The following DIP2B variants were observed in gnomAD, a reference collection of about 807,000 sequenced individuals.
The protein encoded by DIP2B is disco-interacting protein 2 homolog B.
A neutral mutation model predicts 198.0 loss-of-function variants in DIP2B; 76 were observed. The ratio of observed to expected loss-of-function variants is 0.38; its 90% confidence interval spans 0.32 to 0.46. DIP2B has a LOEUF of 0.46. Among genes scored for constraint, DIP2B ranks in the 20% least tolerant of loss-of-function variants. DIP2B has a pLI of 0.99. For missense variants in DIP2B, 1,559 were observed against 1,978.4 expected (o/e 0.79, Z 4.02); for synonymous variants, 701 against 739.1 (o/e 0.95, Z 0.84).
rs931309417 is a variant in DIP2B at position 50,594,000 on chromosome 12, G to A, written c.101-31976G>A. On this transcript the variant is annotated intron_variant, in intron 1 of 37. Transcript: ENST00000301180. ...TTGTCGCCCAGGCTGGAATGCAATG[G>A]CGCCATCTGGGTTCACTGCAACCTC... Among the ~76,000 whole-genome samples, 7 of 145,490 alleles carry A rather than the reference G, an allele frequency of 4.8e-5. No homozygotes were observed. The East Asian group carries it at 1.4e-3, about 30-fold the overall frequency.
chr12:50,737,312 G>A (rs989983267), intron 35 of DIP2B, among the ~76,000 whole-genome samples: 2 of 152,096 alleles, frequency 1.3e-5, no homozygotes, highest in African/African-American at 4.8e-5. Flanking sequence ...CACCCAAACT[G>A]GAAATGGTAC....
chr12:50,588,566 A>G (rs184888762), intron 1 of DIP2B, among the ~76,000 whole-genome samples: 4 of 152,236 alleles, frequency 2.6e-5, no homozygotes, highest in South Asian at 4.2e-4. Flanking sequence ...GAGCAGGAGG[A>G]TGTTTTTTGG....
At chr12:50,510,699 G>A (rs1421344025) in intron 1 of DIP2B, among the ~76,000 whole-genome samples, 1 of 150,512 alleles carries the variant, frequency 6.6e-6, no homozygotes, top group African/African-American at 2.4e-5. Context: ...AGGCTGGAGT[G>A]TAATGGCACG....
rs765881850 is a variant in DIP2B, at chr12:50,678,682, C to T, written c.920C>T (p.Pro307Leu). 2.5e-6 allele frequency: 4 copies of T among 1,613,688 alleles called. No individual in the cohort carries two copies. In the African/African-American group the frequency reaches 4.0e-5, roughly 16 times the overall value. ...CATTGGGATTTTCCTGGTACAGTAC[C>T]TCAGCCAGACCCCAACCAGCCCAAG... ...VDDSEEIVEV[P>L]QPDPNQPKPE... is the part of the protein sequence containing the mutation. Residue 307 changes from proline (P) to leucine (L), a missense_variant, in exon 8 of 38, where the codon CCT becomes CTT. Coordinates refer to ENST00000301180, the MANE Select transcript of DIP2B (RefSeq NM_173602.3).
intron 1 of DIP2B, among the ~76,000 whole-genome samples, chr12:50,617,117 A>T (rs962738027): frequency 6.6e-6 from 1 of 151,956 alleles, no homozygotes; most frequent in South Asian, 2.1e-4. Flanking sequence ...GCCATATTCT[A>T]TGTAAATGAA....
intron 1 of DIP2B, among the ~76,000 whole-genome samples, chr12:50,608,176 T>C (rs551092766): frequency 1.3e-5 from 2 of 152,382 alleles, no homozygotes; most frequent in South Asian, 2.1e-4. Context: ...CAATTATTTT[T>C]AACTGATAGT....
chr12:50,709,061 T>TGG (rs1939565244), intron 22 of DIP2B, among the ~76,000 whole-genome samples: 1 of 152,186 alleles, frequency 6.6e-6, no homozygotes, highest in Non-Finnish European at 1.5e-5. Flanking sequence ...ATGTCTGTGG[T>TGG]GGGGAGCAGG....
chr12:50,612,772 A>G (rs191088050), intron 1 of DIP2B, among the ~76,000 whole-genome samples: 1 of 152,300 alleles, frequency 6.6e-6, no homozygotes, highest in African/African-American at 2.4e-5. Context: ...TAGGCTGATA[A>G]TACTGCACAA....
In DIP2B at chr12:50,729,832, C is replaced by T. The variant is rs1394706011; in HGVS notation, c.3641+1154C>T. ...GCAACCTCCACCTCCCAAGCTCAAG[C>T]GATCCTCCCATCTCAGCCTCCTGAG... is the stretch of plus-strand genomic sequence containing the variant. On this transcript the variant is annotated intron_variant, in intron 30 of 37. Transcript: ENST00000301180. Among the ~76,000 whole-genome samples, 6 of 151,652 alleles carry T rather than the reference C, an allele frequency of 4.0e-5. No individual in the cohort carries two copies. The East Asian group carries it at 5.8e-4, about 15-fold the overall frequency.
intron 3 of DIP2B, among the ~76,000 whole-genome samples, chr12:50,649,936 C>T (rs563293455): frequency 6.6e-6 from 1 of 152,146 alleles, no homozygotes; most frequent in South Asian, 2.1e-4. Context: ...AGCCCGTGCA[C>T]TGTGGCTCAC....
rs1939292111 is a variant in DIP2B at position 50,695,329 on chromosome 12, C to G, written c.1782C>G (p.Leu594=). Residue 594 remains leucine, a synonymous_variant, in exon 15 of 38, where the codon CTC becomes CTG. Coordinates refer to ENST00000301180, the MANE Select transcript of DIP2B (RefSeq NM_173602.3). ...ACTCTGTTATGAAAACCTGTCCTCT[C>G]TCTTGGGTCCAAAGAGTACATGCTC... is the stretch of plus-strand genomic sequence containing the variant. The part of the protein sequence containing the change: ...VPYSVMKTCP[L]SWVQRVHAHK... The G allele has an allele frequency of 6.2e-7, 1 of 1,613,952 alleles. No homozygotes were observed. The highest frequency in any genetic ancestry group is 1.7e-5 in the Admixed American group (1 of 59,992).
At chr12:50,698,967 A>T in intron 18 of DIP2B, 99 bp from the exon 19 acceptor site, 1 of 1,377,948 alleles carries the variant, frequency 7.3e-7, no homozygotes. Context: ...AATGCCACTC[A>T]GTAAAGGCAG....
chr12:50,672,491 G>T (rs1033894585), intron 5 of DIP2B, among the ~76,000 whole-genome samples: 1 of 152,156 alleles, frequency 6.6e-6, no homozygotes, highest in African/African-American at 2.4e-5. Flanking sequence ...AGTATTACTT[G>T]TTAAATATAT....
At position 50,518,900 on chromosome 12, in the gene DIP2B, C is replaced by G. The variant is rs1487039832; in HGVS notation, c.100+13660C>G. Among the ~76,000 whole-genome samples, 2 of 152,126 alleles carry G rather than the reference C, an allele frequency of 1.3e-5. 1 individual carries two copies. Among genetic ancestry groups the G allele is most frequent in the South Asian group, 4.1e-4 (2 of 4,828 alleles). ...GGATTACAGGTCCATGTCACCATGC[C>G]TGGCTAATTTTTTATTTTTTGTAGA... On this transcript the variant is annotated intron_variant, in intron 1 of 37. Coordinates refer to ENST00000301180, the MANE Select transcript of DIP2B (RefSeq NM_173602.3).
At chr12:50,600,826 A>T (rs949312888) in intron 1 of DIP2B, among the ~76,000 whole-genome samples, 3 of 151,456 alleles carry the variant, frequency 2.0e-5, no homozygotes, top group South Asian at 2.1e-4. Context: ...CCCCCTGGAA[A>T]CCTCTTCCCA....
chr12:50,673,574 C>T (rs1411635609), intron 5 of DIP2B, among the ~76,000 whole-genome samples: 1 of 152,096 alleles, frequency 6.6e-6, no homozygotes, highest in East Asian at 1.9e-4. Context: ...ATTGCTTGAG[C>T]CCAGGAGTTC....
intron 1 of DIP2B, among the ~76,000 whole-genome samples, chr12:50,571,548 G>GTGTT: frequency 2.3e-5 from 2 of 85,778 alleles, no homozygotes; most frequent in South Asian, 9.4e-4. Flanking sequence ...AAACCTAGGC[G>GTGTT]TTTTTTTTTT....
chr12:50,646,370 C>T (rs946414118), intron 3 of DIP2B, among the ~76,000 whole-genome samples: 69 of 151,036 alleles, frequency 4.6e-4, no homozygotes, highest in Non-Finnish European at 2.4e-4. Context: ...ATCCGCCTGC[C>T]TTGACCTACC....
intron 1 of DIP2B, among the ~76,000 whole-genome samples, chr12:50,509,315 T>C (rs1022723226): frequency 3.3e-5 from 5 of 152,206 alleles, no homozygotes; most frequent in Non-Finnish European, 7.3e-5. Flanking sequence ...TAGAGCGGGC[T>C]ATAATTTAGC....
Sources: gnomAD v4.1 joint callset for allele counts (sites outside exome capture counted in the v4.1 genomes callset) on GRCh38, gnomAD v4.1.1 for gene constraint, MANE v1.5 for transcripts, NCBI Gene and HGNC (gene_info 2026-07-23, HGNC 2026-07-21) for gene names.